FALEC: variants seen among roughly 807,000 people sequenced by gnomAD.
The protein encoded by FALEC is focally amplified lncRNA on chromosome 1.
downstream of FALEC, among the ~76,000 whole-genome samples, chr1:150,519,684 G>A (rs1223980830): frequency 3.3e-5 from 5 of 150,842 alleles, no homozygotes; most frequent in Middle Eastern, 3.5e-3. Context: ...GTGAAACCCC[G>A]TCTCTACTGA....
At chr1:150,533,752 C>A in the FALEC span, among the ~76,000 whole-genome samples, 1 of 152,022 alleles carries the variant, frequency 6.6e-6, no homozygotes, top group Non-Finnish European at 1.5e-5. Flanking sequence ...TTTTCAGATT[C>A]TAACTCCTAA....
At chr1:150,523,570 C>A in the FALEC span, among the ~76,000 whole-genome samples, 23 of 149,716 alleles carry the variant, frequency 1.5e-4, no homozygotes, top group Non-Finnish European at 3.1e-4. Context: ...AGGAGAATGG[C>A]GTGAACCCGG....
downstream of FALEC, among the ~76,000 whole-genome samples, chr1:150,518,966 G>C (rs995770571): frequency 1.3e-5 from 2 of 152,102 alleles, no homozygotes; most frequent in African/African-American, 4.8e-5. Flanking sequence ...TGAGGCAGGA[G>C]AATCACTTGA....
At chr1:150,526,178 G>A in the FALEC span, among the ~76,000 whole-genome samples, 2 of 151,642 alleles carry the variant, frequency 1.3e-5, no homozygotes, top group Admixed American at 6.6e-5. Flanking sequence ...GTGAAACCCC[G>A]TCTCTACTAA....
the FALEC span, among the ~76,000 whole-genome samples, chr1:150,533,684 G>A: frequency 2.0e-5 from 3 of 152,084 alleles, no homozygotes; most frequent in South Asian, 4.1e-4. Context: ...TGATCCACCA[G>A]CCTCATCTTC....
At chr1:150,520,122 C>T (rs1670618953), downstream of FALEC, among the ~76,000 whole-genome samples, 1 of 152,102 alleles carries the variant, frequency 6.6e-6, no homozygotes, top group Non-Finnish European at 1.5e-5. Flanking sequence ...GCATTCCAGC[C>T]TGGGCAACAA....
At chr1:150,515,827 C>T (rs1670560282) in exon 1 of FALEC, 1 of 152,422 alleles carries the variant, frequency 6.6e-6, no homozygotes, top group Non-Finnish European at 1.5e-5. Context: ...CCAGCAATTC[C>T]CCTACCCCCC....
At chr1:150,535,827 G>A in the FALEC span, among the ~76,000 whole-genome samples, 2 of 152,256 alleles carry the variant, frequency 1.3e-5, no homozygotes, top group Admixed American at 6.5e-5. Context: ...TCCTACCTTC[G>A]GTCCAGCAAC....
chr1:150,518,755 C>T (rs1038508973), downstream of FALEC, among the ~76,000 whole-genome samples: 1 of 151,938 alleles, frequency 6.6e-6, no homozygotes, highest in Non-Finnish European at 1.5e-5. Flanking sequence ...ACATAGTTAA[C>T]ATAACCTTTG....
At chr1:150,527,822 C>A in the FALEC span, among the ~76,000 whole-genome samples, 1 of 152,066 alleles carries the variant, frequency 6.6e-6, no homozygotes, top group Non-Finnish European at 1.5e-5. Flanking sequence ...TCCACTCCAA[C>A]CTGGGCGACG....
downstream of FALEC, among the ~76,000 whole-genome samples, chr1:150,518,673 C>T (rs1670602022): frequency 6.6e-6 from 1 of 151,820 alleles, no homozygotes; most frequent in African/African-American, 2.4e-5. Flanking sequence ...TAAGCGTGAG[C>T]CACCGTGCCC....
At chr1:150,526,988 T>G in the FALEC span, among the ~76,000 whole-genome samples, 1 of 150,714 alleles carries the variant, frequency 6.6e-6, no homozygotes, top group Non-Finnish European at 1.5e-5. Context: ...CAGGCTGGAT[T>G]GCAGTGGTGC....
downstream of FALEC, among the ~76,000 whole-genome samples, chr1:150,520,092 T>G (rs1670618428): frequency 6.6e-6 from 1 of 152,084 alleles, no homozygotes; most frequent in Non-Finnish European, 1.5e-5. Flanking sequence ...GAGGTTGTCA[T>G]GAGCCAAGAT....
downstream of FALEC, chr1:150,518,097 G>C (rs1216250605): frequency 1.3e-5 from 2 of 152,190 alleles, no homozygotes; most frequent in African/African-American, 4.8e-5. Flanking sequence ...ATGTGAAGAA[G>C]AAAATATAGC....
chr1:150,519,669 A>T (rs111827630), downstream of FALEC, among the ~76,000 whole-genome samples: 67 of 150,660 alleles, frequency 4.4e-4, no homozygotes, highest in Middle Eastern at 3.5e-3. Context: ...AGCCTGGCCA[A>T]GATGGTGAAA....
At chr1:150,517,998 A>G (rs1289731809) in exon 2 of FALEC, 2 of 152,228 alleles carry the variant, frequency 1.3e-5, no homozygotes, top group African/African-American at 4.8e-5. Flanking sequence ...TGCACTCTAC[A>G]CTAGCAGCCT....
downstream of FALEC, among the ~76,000 whole-genome samples, chr1:150,519,184 A>T (rs1275777759): frequency 4.6e-5 from 7 of 152,162 alleles, no homozygotes; most frequent in Admixed American, 3.9e-4. Flanking sequence ...AGGCCCCCAC[A>T]GTGCTGCTTC....
At chr1:150,522,883 A>ACG (rs1398875822), downstream of FALEC, among the ~76,000 whole-genome samples, 2 of 111,594 alleles carry the variant, frequency 1.8e-5, no homozygotes, top group African/African-American at 7.0e-5. Context: ...ATACATATAT[A>ACG]TATACGTATA....
chr1:150,528,037 GT>G, the FALEC span, among the ~76,000 whole-genome samples: 14 of 152,154 alleles, frequency 9.2e-5, no homozygotes, highest in South Asian at 2.9e-3. Context: ...ATCATGATTG[GT>G]CTAAGTCAAT....
Sources: allele counts gnomAD v4.1 joint callset (sites outside exome capture counted in the v4.1 genomes callset), GRCh38; gene constraint gnomAD v4.1.1; transcripts MANE v1.5; gene names NCBI Gene and HGNC (gene_info 2026-07-23, HGNC 2026-07-21).